Variants in IFT140 observed in about 807,000 individuals in gnomAD.
The protein encoded by IFT140 is intraflagellar transport 140.
Under a neutral mutation model 164.6 loss-of-function variants are expected in IFT140, and 133 were observed. The observed-to-expected ratio is 0.81, with a 90% confidence interval of 0.70 to 0.93. The LOEUF (loss-of-function observed/expected upper bound fraction) is 0.93, where lower values mean the gene tolerates loss of function less well. Among genes scored for constraint, IFT140 ranks in the 40% least tolerant of loss-of-function variants. The pLI, the probability that IFT140 is intolerant of heterozygous loss-of-function variation, is 0.00. For synonymous variants in IFT140, 860 were observed against 817.3 expected, an observed-to-expected ratio of 1.05 and a Z score of -0.89; for missense variants, 2,045 against 1,972.3, an observed-to-expected ratio of 1.04 and a Z score of -0.70.
chr16:1,525,342 A>G lies in IFT140; in HGVS notation c.2769-16T>C, dbSNP rs1316401977. The G allele has an allele frequency of 6.3e-7, 1 of 1,598,066 alleles. No individual in the cohort carries two copies. Among genetic ancestry groups the G allele is most frequent in the Non-Finnish European group, 8.6e-7 (1 of 1,169,266 alleles). ...CTTCTCGTAGCTGTGAGAGAAGGAG[A>G]CAGAGGTCCTCGTTCCCTCCCATCC... On this transcript the variant is annotated splice_polypyrimidine_tract_variant and intron_variant, in intron 21 of 30. Coordinates refer to ENST00000426508, the MANE Select transcript of IFT140 (RefSeq NM_014714.4).
At chr16:1,568,098 C>G in intron 15 of IFT140, 119 bp downstream of exon 15, 1 of 716,882 alleles carries the variant, frequency 1.4e-6, no homozygotes, top group Non-Finnish European at 2.4e-6. Context: ...TGGGGCTGAA[C>G]AGAACACAGG....
chr16:1,560,885 G>C (rs186311331), intron 18 of IFT140, among the ~76,000 whole-genome samples: 1 of 152,376 alleles, frequency 6.6e-6, no homozygotes, highest in East Asian at 1.9e-4. Context: ...AAGAGGCAGA[G>C]AAGACTCTGT....
chr16:1,529,087 G>A (rs950925600), intron 19 of IFT140, among the ~76,000 whole-genome samples: 4 of 152,206 alleles, frequency 2.6e-5, no homozygotes, highest in Non-Finnish European at 1.5e-5. Flanking sequence ...GCTGCAACGC[G>A]GCATACCCAG....
intron 7 of IFT140, 149 bp downstream of exon 7, chr16:1,589,456 A>G: frequency 1.5e-6 from 1 of 669,320 alleles, no homozygotes; most frequent in South Asian, 1.9e-5. Context: ...ATGATAAATA[A>G]TGACACCGCT....
intron 18 of IFT140, 33 bp downstream of exon 18, chr16:1,561,952 G>A (rs774481048): frequency 3.9e-6 from 6 of 1,545,628 alleles, no homozygotes; most frequent in Admixed American, 2.0e-5. Flanking sequence ...GGAGAGATCA[G>A]AAGACACCTG....
rs2034683877 is a variant in IFT140 at position 1,583,384 on chromosome 16, A to G, written c.1362T>C (p.Asp454=). The part of the protein sequence containing the change: ...MHISGVFATK[D]AVAVWNGRQV... ...GCCTTCCGTTCCAGACTGCGACAGC[A>G]TCCTGAAAAGAACCACGGACATTCG... Residue 454 remains aspartate (D), a splice_region_variant and synonymous_variant, in exon 12 of 31, where the codon GAT becomes GAC. Coordinates refer to ENST00000426508, the MANE Select transcript of IFT140 (RefSeq NM_014714.4). The G allele has an allele frequency of 1.2e-6, 2 of 1,614,000 alleles. No individual in the cohort carries two copies. Among genetic ancestry groups the G allele is most frequent in the Middle Eastern group, 1.6e-4 (1 of 6,084 alleles).
intron 19 of IFT140, 113 bp from the exon 20 acceptor site, chr16:1,526,909 T>A: frequency 8.3e-7 from 1 of 1,211,886 alleles, no homozygotes; most frequent in Non-Finnish European, 1.1e-6. Context: ...CAAACGGGCA[T>A]GAGGAGGGGC....
At chr16:1,578,601 G>C (rs1048721701) in intron 13 of IFT140, among the ~76,000 whole-genome samples, 3 of 151,306 alleles carry the variant, frequency 2.0e-5, no homozygotes, top group Non-Finnish European at 4.4e-5. Flanking sequence ...AAAAGACATG[G>C]CCGGGCGTGG....
At chr16:1,536,046 C>T (rs986936818) in intron 19 of IFT140, among the ~76,000 whole-genome samples, 4 of 152,216 alleles carry the variant, frequency 2.6e-5, no homozygotes, top group African/African-American at 4.8e-5. Context: ...TGGGGCCGGG[C>T]GCTCATGTGC....
Position 1,531,906 on chromosome 16 carries a change from G to C in IFT140, c.2400-5110C>G, listed in dbSNP as rs1344320599. 1 of 152,296 alleles carries C rather than the reference G, an allele frequency of 6.6e-6. No individual in the cohort carries two copies. Among genetic ancestry groups the C allele is most frequent in the African/African-American group, 2.4e-5 (1 of 41,470 alleles). The allele number at this position is 152,296 out of a possible 1,614,324, so 9.4% of individuals were successfully genotyped here. A position where few individuals can be genotyped will look rare whatever the true frequency, so the allele number is the denominator to read the frequency against. On this transcript the variant is annotated intron_variant, in intron 19 of 30. Transcript: ENST00000426508. The surrounding 1 kb of genome is among the most constrained non-coding windows in gnomAD (Gnocchi z 4.7). The stretch of plus-strand genomic sequence containing the variant: ...TGAGACAATCAAACGTGTCCTCTGG[G>C]CTCTGAAACCCAGCATTGGCTTTTT...
At chr16:1,572,379 G>C (rs1022705042) in intron 13 of IFT140, among the ~76,000 whole-genome samples, 3 of 152,234 alleles carry the variant, frequency 2.0e-5, no homozygotes, top group African/African-American at 7.2e-5. Flanking sequence ...GGGCGCGGTG[G>C]CTCACGCCTG....
chr16:1,577,326 G>T (rs977939268), intron 13 of IFT140: 2 of 152,118 alleles, frequency 1.3e-5, no homozygotes, highest in Non-Finnish European at 2.9e-5. Context: ...TCTTCCTCAT[G>T]ATTTCTTAGT....
At chr16:1,600,443 T>A (rs2035733709) in intron 4 of IFT140, among the ~76,000 whole-genome samples, 1 of 105,426 alleles carries the variant, frequency 9.5e-6, no homozygotes, top group Non-Finnish European at 1.7e-5. Flanking sequence ...ACCCAAGAAT[T>A]ATCAATAAAA....
chr16:1,538,001 T>C (rs1232996395), intron 19 of IFT140, among the ~76,000 whole-genome samples: 2 of 152,066 alleles, frequency 1.3e-5, no homozygotes, highest in African/African-American at 4.8e-5. Flanking sequence ...CCTTTAAAAG[T>C]CAGCTGCTAC....
At chr16:1,547,876 C>T (rs11864966) in intron 19 of IFT140, among the ~76,000 whole-genome samples, 12,194 of 152,186 alleles carry the variant, frequency 0.08, 606 homozygotes, top group African/African-American at 0.13. Flanking sequence ...GGGGTCTTGC[C>T]ACGTTGCCCA....
intron 15 of IFT140, among the ~76,000 whole-genome samples, chr16:1,567,513 G>A (rs1250360750): frequency 6.6e-6 from 1 of 152,208 alleles, no homozygotes; most frequent in Non-Finnish European, 1.5e-5. Flanking sequence ...GCGCAGTGCT[G>A]TGCAGTTCCA....
At position 1,576,523 on chromosome 16, in the gene IFT140, C is replaced by T. The variant is rs200869213; in HGVS notation, c.1524+4236G>A. On this transcript the variant is annotated intron_variant, in intron 13 of 30. Coordinates refer to ENST00000426508, the MANE Select transcript of IFT140 (RefSeq NM_014714.4). ...AAGAGAATGGCGTGAACCCAGGAGG[C>T]GGAGCTTGCAGTGAGCCGAGATCGC... Among the ~76,000 whole-genome samples the T allele has an allele frequency of 1.5e-4, 21 of 144,406 alleles. No individual in the cohort carries two copies. In the East Asian group the frequency reaches 3.3e-3, roughly 23 times the overall value. The allele number at this position is 144,406 out of a possible 152,430, so 94.7% of individuals were successfully genotyped here. A position where few individuals can be genotyped will look rare whatever the true frequency, so the allele number is the denominator to read the frequency against.
At chr16:1,569,372 C>T (rs1300443862) in intron 14 of IFT140, among the ~76,000 whole-genome samples, 1 of 152,072 alleles carries the variant, frequency 6.6e-6, no homozygotes, top group African/African-American at 2.4e-5. Flanking sequence ...TCATATCATT[C>T]GGACTCACAC....
At chr16:1,571,304 G>A in intron 14 of IFT140, 103 bp downstream of exon 14, 1 of 1,072,134 alleles carries the variant, frequency 9.3e-7, no homozygotes, top group Non-Finnish European at 1.3e-6. Flanking sequence ...GTTAAAATGG[G>A]CACCTAAGGA....
Sources: gnomAD v4.1 joint callset for allele counts (sites outside exome capture counted in the v4.1 genomes callset) on GRCh38, gnomAD v4.1.1 for gene constraint, Gnocchi (gnomAD v3.1) non-coding constraint, MANE v1.5 for transcripts, NCBI Gene and HGNC (gene_info 2026-07-23, HGNC 2026-07-21) for gene names.